Variants in RAPGEF6 observed in about 807,000 individuals in gnomAD.
RAPGEF6 encodes Rap guanine nucleotide exchange factor 6.
In RAPGEF6, 56 loss-of-function variants were observed where a neutral mutation model predicts 171.4. The ratio of observed to expected loss-of-function variants is 0.33; its 90% CI spans 0.26 to 0.41. RAPGEF6 has a LOEUF of 0.41. RAPGEF6 is among the 10% of genes least tolerant of loss of function. The pLI, the probability that RAPGEF6 is intolerant of heterozygous loss-of-function variation, is 1.00. For synonymous variants in RAPGEF6, 692 were observed against 650.1 expected, an observed-to-expected ratio of 1.06 and a Z score of -0.98; for missense variants, 1,674 against 1,921.4, an observed-to-expected ratio of 0.87 and a Z score of 2.41.
rs1026411811 is a variant in RAPGEF6 at position 131,508,129 on chromosome 5, A to G, written c.884T>C (p.Val295Ala). ...CTGCTCTACCACTTCAAAAATCATC[A>G]CTGAGCAGAGTTCTCTCCTTACAGA... ...TMSVRRELCS[V>A]MIFEVVEQAG... is the part of the protein sequence containing the mutation. Residue 295 changes from valine (V) to alanine (A), a missense_variant, in exon 9 of 28, where the codon GTG becomes GCG. Physicochemically the swap from Val to Ala is moderately conservative, Grantham distance 64. Transcript: ENST00000509018. 1.2e-6 allele frequency: 2 copies of G among 1,613,432 alleles called. No individual in the cohort carries two copies. Among genetic ancestry groups the G allele is most frequent in the African/African-American group, 2.7e-5 (2 of 74,896 alleles).
chr5:131,546,916 G>A (rs1026426984), intron 6 of RAPGEF6, among the ~76,000 whole-genome samples: 8 of 152,018 alleles, frequency 5.3e-5, no homozygotes, highest in African/African-American at 1.9e-4. Context: ...GGAACAATCT[G>A]TTTCTAATTT....
At chr5:131,438,873 ATTTGTTTTCCTAATT>A (rs1186543264) in intron 24 of RAPGEF6, among the ~76,000 whole-genome samples, 1 of 152,188 alleles carries the variant, frequency 6.6e-6, no homozygotes, top group Non-Finnish European at 1.5e-5. Flanking sequence ...GGAAAAGCAT[ATTTGTTTTCCTAATT>A]TTTGTTTTCC....
Position 131,439,480 on chromosome 5 carries a change from T to C in RAPGEF6, c.3745+101A>G, listed in dbSNP as rs1474681647. On this transcript the variant is annotated intron_variant, in intron 24 of 27. Coordinates refer to ENST00000509018, the MANE Select transcript of RAPGEF6 (RefSeq NM_016340.6). ...CAAAAAGCATTAGGAGTTATGCTTT[T>C]CTTAATGATTTATAATTATTGCTAT... 4.1e-6 allele frequency: 6 copies of C among 1,450,480 alleles called. No individual in the cohort carries two copies. The African/African-American group carries it at 8.6e-5, about 21-fold the overall frequency. 89.9% of individuals were successfully genotyped at this position (1,450,480 alleles called of 1,614,324 possible). A position where few individuals can be genotyped will look rare whatever the true frequency, so the allele number is the denominator to read the frequency against.
intron 4 of RAPGEF6, among the ~76,000 whole-genome samples, chr5:131,587,054 CA>C (rs1185344189): frequency 2.0e-5 from 3 of 152,224 alleles, no homozygotes; most frequent in African/African-American, 7.2e-5. Flanking sequence ...AGGTGGGAAG[CA>C]TACTAGCAGA....
chr5:131,508,287 C>G, intron 8 of RAPGEF6, 80 bp from the exon 9 acceptor site: 1 of 1,298,590 alleles, frequency 7.7e-7, no homozygotes, highest in African/African-American at 1.5e-5. Context: ...GAATTCAATT[C>G]CCAATTTCAC....
intron 4 of RAPGEF6, among the ~76,000 whole-genome samples, chr5:131,576,986 C>T (rs1213804335): frequency 2.6e-5 from 4 of 152,142 alleles, no homozygotes; most frequent in Non-Finnish European, 2.9e-5. Context: ...ACATCAAGCT[C>T]GAGGATCTGC....
At chr5:131,577,042 C>T (rs1036613803) in intron 4 of RAPGEF6, among the ~76,000 whole-genome samples, 14 of 152,184 alleles carry the variant, frequency 9.2e-5, no homozygotes, top group Admixed American at 9.2e-4. Flanking sequence ...TGCCCCGACT[C>T]AAAAAACTAA....
intron 13 of RAPGEF6, 32 bp from the exon 14 acceptor site, chr5:131,492,817 A>G (rs1561508210): frequency 1.9e-6 from 3 of 1,561,418 alleles, no homozygotes; most frequent in Non-Finnish European, 2.6e-6. Context: ...ATGTATATAA[A>G]TGTATCTATT....
chr5:131,506,172 GCT>G (rs1339839313), intron 9 of RAPGEF6, among the ~76,000 whole-genome samples: 1 of 152,162 alleles, frequency 6.6e-6, no homozygotes, highest in African/African-American at 2.4e-5. Flanking sequence ...ATGGGGTCTT[GCT>G]CTGTTGCCCA....
At chr5:131,495,685 A>G in intron 12 of RAPGEF6, 25 bp from the exon 13 acceptor site, 1 of 1,602,398 alleles carries the variant, frequency 6.2e-7, no homozygotes, top group Non-Finnish European at 8.5e-7. Flanking sequence ...AAGAGGCAGC[A>G]TATGGTTATA....
At chr5:131,576,272 C>T (rs1480803293) in intron 4 of RAPGEF6, among the ~76,000 whole-genome samples, 3 of 152,178 alleles carry the variant, frequency 2.0e-5, no homozygotes, top group Admixed American at 2.0e-4. Context: ...GCAGGCTATG[C>T]TGTAGTGTCT....
rs765021965 is a variant in RAPGEF6 at position 131,461,672 on chromosome 5, T to G, written c.2864+33A>C. On this transcript the variant is annotated intron_variant, in intron 19 of 27. Coordinates refer to ENST00000509018, the MANE Select transcript of RAPGEF6 (RefSeq NM_016340.6). The stretch of plus-strand genomic sequence containing the variant: ...TCAGCTGCATGTAATGACAAAACCA[T>G]ACAGACATTTGTACCTATTTGTACC... 5 of 1,549,742 alleles carry G rather than the reference T, an allele frequency of 3.2e-6. No individual in the cohort carries two copies. The Admixed American group carries it at 5.5e-5, about 17-fold the overall frequency.
At chr5:131,575,703 C>T (rs1301363688) in intron 4 of RAPGEF6, among the ~76,000 whole-genome samples, 1 of 152,188 alleles carries the variant, frequency 6.6e-6, no homozygotes, top group East Asian at 1.9e-4. Context: ...TTAAAGACAG[C>T]CCTAGAAACA....
At chr5:131,532,207 G>A in intron 6 of RAPGEF6, 1 of 410,848 alleles carries the variant, frequency 2.4e-6, no homozygotes, top group Non-Finnish European at 4.7e-6. Context: ...ACAGTGATGA[G>A]TACGGTGATA....
chr5:131,502,903 A>G (rs1303650494), intron 11 of RAPGEF6, among the ~76,000 whole-genome samples: 1 of 152,110 alleles, frequency 6.6e-6, no homozygotes, highest in Admixed American at 6.5e-5. Flanking sequence ...GGTCCAGGCA[A>G]TTCTCCTGCT....
intron 1 of RAPGEF6, among the ~76,000 whole-genome samples, chr5:131,621,453 G>A (rs1765587759): frequency 6.6e-6 from 1 of 151,516 alleles, no homozygotes; most frequent in Non-Finnish European, 1.5e-5. Context: ...GCTGATTTTT[G>A]TACTTTTTTG....
At position 131,505,446 on chromosome 5, in the gene RAPGEF6, A is replaced by G; in HGVS notation, c.1019T>C (p.Met340Thr). The stretch of plus-strand genomic sequence containing the variant: ...GGGAGTAATTCCAAAACTATTTCCC[A>G]TAAACAAATTTTCAACTTTTCCATC... ...HPDGKVENLF[M>T]GNSFGITPTL... Residue 340 changes from methionine (M) to threonine (T), a missense_variant, in exon 10 of 28, where the codon ATG (methionine) becomes ACG (threonine). Physicochemically the swap from Met to Thr is moderately conservative, Grantham distance 81 (BLOSUM62 -1). Coordinates refer to ENST00000509018, the MANE Select transcript of RAPGEF6 (RefSeq NM_016340.6). 1 of 1,613,638 alleles carries G rather than the reference A, an allele frequency of 6.2e-7. No individual in the cohort carries two copies. Among genetic ancestry groups the G allele is most frequent in the Non-Finnish European group, 8.5e-7 (1 of 1,179,712 alleles).
chr5:131,446,571 C>T lies in RAPGEF6; in HGVS notation c.3333G>A (p.Val1111=), dbSNP rs139341753. ...LYEDAQMARK[V]KQYLSSLDVE... is the part of the protein sequence containing the mutation. ...CATCGAGACTGGAAAGATACTGCTT[C>T]ACCTTCCTTGCCATTTGGGCATCCT... The change falls in exon 22 of 28, where the codon GTG becomes GTA. Residue 1111 remains valine, a synonymous_variant. Transcript: ENST00000509018. 95 of 1,614,258 alleles carry T rather than the reference C, an allele frequency of 5.9e-5. No individual in the cohort carries two copies. In the African/African-American group the frequency reaches 1.1e-3, roughly 19 times the overall value.
chr5:131,424,494 T>C lies in RAPGEF6; in HGVS notation c.*2772A>G, dbSNP rs1321237296. 6.6e-6 allele frequency: 1 copy of C among 152,352 alleles called. No homozygotes were observed. The highest frequency in any genetic ancestry group is 1.5e-5 in the Non-Finnish European group (1 of 68,036). The allele number at this position is 152,352 out of a possible 1,614,324, so 9.4% of individuals were successfully genotyped here. A position where few individuals can be genotyped will look rare whatever the true frequency, so the allele number is the denominator to read the frequency against. ...GGAAGCTTTTTCTCCTCCTTCCTTT[T>C]TTGTAGAGGAAAGAACACTTGATAA... On this transcript the variant is annotated 3_prime_UTR_variant, in exon 28 of 28. Coordinates refer to ENST00000509018, the MANE Select transcript of RAPGEF6 (RefSeq NM_016340.6).
Sources: allele counts gnomAD v4.1 joint callset (sites outside exome capture counted in the v4.1 genomes callset), GRCh38; gene constraint gnomAD v4.1.1; transcripts MANE v1.5; gene names NCBI Gene and HGNC (gene_info 2026-07-23, HGNC 2026-07-21).